ZNF532: variants seen among roughly 807,000 people sequenced by gnomAD.
ZNF532 encodes zinc finger protein 532.
A neutral mutation model predicts 89.3 loss-of-function variants in ZNF532; 22 were observed. The observed-to-expected ratio is 0.25, with a 90% CI of 0.18 to 0.35. The LOEUF (loss-of-function observed/expected upper bound fraction) is 0.35, where lower values mean the gene tolerates loss of function less well. Ranked by LOEUF, ZNF532 falls within the 10% of genes least tolerant of loss-of-function variation. The pLI, the probability that ZNF532 is intolerant of heterozygous loss-of-function variation, is 1.00. For missense variants in ZNF532, 1,132 were observed against 1,643.4 expected, an observed-to-expected ratio of 0.69 and a Z score of 5.38; for synonymous variants, 606 against 649.6, an observed-to-expected ratio of 0.93 and a Z score of 1.02.
At chr18:58,921,785 A>G (rs2061106103) in intron 3 of ZNF532, among the ~76,000 whole-genome samples, 2 of 152,252 alleles carry the variant, frequency 1.3e-5, no homozygotes, top group South Asian at 2.1e-4. Context: ...GAGTTAGACC[A>G]TGTGACATAT....
At chr18:58,881,099 CTTTTTTTCTTTTTTT>C (rs2057886921) in intron 2 of ZNF532, among the ~76,000 whole-genome samples, 1 of 150,870 alleles carries the variant, frequency 6.6e-6, no homozygotes, top group East Asian at 1.9e-4. Context: ...CTTCTTTTTT[CTTTTTTTCTTTTTTT>C]TTTTTGAGAC....
rs1182284211 is a variant in ZNF532 at position 58,985,038 on chromosome 18, A to G, written c.*572A>G. ...TTGAGACAACTGCACTCCAGTGTGG[A>G]CGTGCCTTTGTCTTCAGGCCATGCC... On this transcript the variant is annotated 3_prime_UTR_variant, in exon 10 of 10. Coordinates refer to ENST00000591808, the MANE Select transcript of ZNF532 (RefSeq NM_001375912.1). The G allele has an allele frequency of 1.3e-5, 2 of 153,314 alleles. No individual in the cohort carries two copies. The highest frequency in any genetic ancestry group is 4.8e-5 in the African/African-American group (2 of 41,438). The allele number at this position is 153,314 out of a possible 1,614,324, so 9.5% of individuals were successfully genotyped here. A position where few individuals can be genotyped will look rare whatever the true frequency, so the allele number is the denominator to read the frequency against.
chr18:58,933,561 C>T (rs2062132241), intron 3 of ZNF532, among the ~76,000 whole-genome samples: 2 of 152,110 alleles, frequency 1.3e-5, no homozygotes, highest in Admixed American at 1.3e-4. Context: ...AGTATTTAAA[C>T]ACAGTTTATG....
At chr18:58,912,749 C>T (rs1446520853) in intron 2 of ZNF532, among the ~76,000 whole-genome samples, 1 of 152,184 alleles carries the variant, frequency 6.6e-6, no homozygotes, top group African/African-American at 2.4e-5. Context: ...TAGCTTTTTT[C>T]ATAACTGCTT....
chr18:58,944,351 TCTC>T (rs1211061435), intron 5 of ZNF532, among the ~76,000 whole-genome samples: 1 of 151,866 alleles, frequency 6.6e-6, no homozygotes, highest in Non-Finnish European at 1.5e-5. Flanking sequence ...CCGCTCCCCC[TCTC>T]CTCCTCTCTC....
chr18:58,980,301 G>A (rs755913692), intron 8 of ZNF532: 3 of 152,206 alleles, frequency 2.0e-5, no homozygotes, highest in Non-Finnish European at 4.4e-5. Context: ...CCAAGAAGAC[G>A]ATGGGAGATC....
At chr18:58,916,677 A>G (rs867673636) in intron 2 of ZNF532, 1 of 984,970 alleles carries the variant, frequency 1.0e-6, no homozygotes, top group African/African-American at 1.7e-5. Flanking sequence ...CGCCTTCAAC[A>G]GTAGTTTTTT....
At chr18:58,893,749 A>C (rs1429580286) in intron 2 of ZNF532, among the ~76,000 whole-genome samples, 1 of 152,046 alleles carries the variant, frequency 6.6e-6, no homozygotes, top group Non-Finnish European at 1.5e-5. Context: ...AGGACTGCTT[A>C]AGAGCTAACT....
intron 2 of ZNF532, among the ~76,000 whole-genome samples, chr18:58,890,594 ATT>A (rs59139870): frequency 3.6e-5 from 5 of 137,142 alleles, no homozygotes; most frequent in Admixed American, 7.3e-5. Context: ...ACTGCCGCCC[ATT>A]TTTTTTTTTT....
At chr18:58,936,907 G>T (rs2062524324) in intron 4 of ZNF532, among the ~76,000 whole-genome samples, 1 of 152,116 alleles carries the variant, frequency 6.6e-6, no homozygotes, top group South Asian at 2.1e-4. Flanking sequence ...AGCCAGATGA[G>T]TCTAATGTAG....
chr18:58,908,727 C>G (rs1271826566), intron 2 of ZNF532, among the ~76,000 whole-genome samples: 3 of 152,158 alleles, frequency 2.0e-5, no homozygotes, highest in Non-Finnish European at 4.4e-5. Flanking sequence ...ATTCATGGAT[C>G]AGAAAAAATG....
intron 7 of ZNF532, among the ~76,000 whole-genome samples, chr18:58,954,978 G>A (rs1239299427): frequency 6.6e-6 from 1 of 152,182 alleles, no homozygotes; most frequent in Non-Finnish European, 1.5e-5. Context: ...GCCTCCCAAA[G>A]TGCTGGATTA....
intron 2 of ZNF532, among the ~76,000 whole-genome samples, chr18:58,907,430 CT>C (rs1292121100): frequency 3.9e-5 from 6 of 152,050 alleles, no homozygotes; most frequent in Non-Finnish European, 5.9e-5. Context: ...GTGATCCCCC[CT>C]GCCCACCTTG....
chr18:58,895,140 C>T (rs183371000), intron 2 of ZNF532, among the ~76,000 whole-genome samples: 152 of 152,336 alleles, frequency 1.0e-3, no homozygotes, highest in East Asian at 6.6e-3. Context: ...TGACCTAAAT[C>T]GGCTTGCCCA....
chr18:58,928,924 C>T (rs1352942040), intron 3 of ZNF532, among the ~76,000 whole-genome samples: 4 of 152,178 alleles, frequency 2.6e-5, no homozygotes, highest in African/African-American at 9.7e-5. Flanking sequence ...ATTGCTTCAC[C>T]TCCTCTTAAA....
intron 2 of ZNF532, among the ~76,000 whole-genome samples, chr18:58,898,320 T>A (rs1273513550): frequency 2.0e-5 from 3 of 152,204 alleles, no homozygotes; most frequent in African/African-American, 7.2e-5. Context: ...ACCACCATCA[T>A]CATAATGGCT....
chr18:58,895,988 A>T lies in ZNF532; in HGVS notation c.-17-22283A>T, dbSNP rs1221072252. ...TACCTTAGCCTCCCAAGTAGCTGAG[A>T]CCACAGGTACATGCCACCACACCTC... On this transcript the variant is annotated intron_variant, in intron 2 of 9. Transcript: ENST00000591808. 7.9e-5 allele frequency among the ~76,000 whole-genome samples: 12 copies of T among 151,734 alleles called. 1 individual carries two copies. Among genetic ancestry groups the T allele is most frequent in the Admixed American group, 7.9e-4 (12 of 15,216 alleles).
intron 5 of ZNF532, among the ~76,000 whole-genome samples, chr18:58,942,877 C>CT (rs2063320952): frequency 6.6e-6 from 1 of 152,148 alleles, no homozygotes; most frequent in Admixed American, 6.5e-5. Context: ...ATTTGCATTA[C>CT]TTTTTTAAAT....
intron 6 of ZNF532, among the ~76,000 whole-genome samples, chr18:58,951,646 G>GTTTTTTTTTTTGGTTTTTTTTTTTTTT (rs760650267): frequency 1.4e-5 from 1 of 72,592 alleles, no homozygotes; most frequent in Non-Finnish European, 2.4e-5. Context: ...TCGCCCTGTT[G>GTTTTTTTTTTTGGTTTTTTTTTTTTTT]TTTTTTTTTT....
Sources: gnomAD v4.1 joint callset for allele counts (sites outside exome capture counted in the v4.1 genomes callset) on GRCh38, gnomAD v4.1.1 for gene constraint, MANE v1.5 for transcripts, NCBI Gene and HGNC (gene_info 2026-07-23, HGNC 2026-07-21) for gene names.